Variants in CFAP45 observed in about 807,000 individuals in gnomAD.
CFAP45 encodes the protein cilia and flagella associated protein 45, also known as cilia- and flagella-associated protein 45.
In CFAP45, 43 loss-of-function variants were observed where a neutral mutation model predicts 75.6. The observed-to-expected ratio is 0.57, with a 90% CI of 0.45 to 0.73. The LOEUF is 0.73. CFAP45 is among the 30% of genes least tolerant of loss of function. The pLI, the probability that CFAP45 is intolerant of heterozygous loss-of-function variation, is 0.00. For synonymous variants in CFAP45, 223 were observed against 244.6 expected (o/e 0.91, Z 0.82); for missense variants, 689 against 701.5 (o/e 0.98, Z 0.20).
At chr1:159,886,748 A>G in intron 5 of CFAP45, 59 bp from the exon 6 acceptor site, 1 of 1,415,986 alleles carries the variant, frequency 7.1e-7, no homozygotes, top group Non-Finnish European at 1.0e-6. Flanking sequence ...TTTAAGGGGA[A>G]GAAATGGAAA....
chr1:159,885,700 T>A (rs1261678841), intron 6 of CFAP45, among the ~76,000 whole-genome samples: 2 of 152,120 alleles, frequency 1.3e-5, no homozygotes, highest in African/African-American at 4.8e-5. Flanking sequence ...CTGTCCGCAA[T>A]GAGCGTAGCA....
chr1:159,887,702 C>T, intron 5 of CFAP45, 139 bp downstream of exon 5: 1 of 850,328 alleles, frequency 1.2e-6, no homozygotes. Flanking sequence ...ACTGCAACTA[C>T]CACAGCAGGT....
At chr1:159,876,419 T>G in intron 10 of CFAP45, 137 bp downstream of exon 10, 1 of 655,346 alleles carries the variant, frequency 1.5e-6, no homozygotes, top group South Asian at 1.9e-5. Context: ...ATCATCCATC[T>G]AGTTATAATG....
At chr1:159,880,455 C>T (rs975450836) in intron 8 of CFAP45, 99 bp downstream of exon 8, 22 of 1,061,750 alleles carry the variant, frequency 2.1e-5, no homozygotes, top group Non-Finnish European at 2.8e-5. Context: ...AATGAAGGTG[C>T]GGCTGCCTTC....
chr1:159,898,845 G>A lies in CFAP45; in HGVS notation c.3+1251C>T, dbSNP rs79497217. Among the ~76,000 whole-genome samples, 343 of 152,190 alleles carry A rather than the reference G, an allele frequency of 2.3e-3. 4 individuals are homozygous for A. In the East Asian group the frequency reaches 0.034, roughly 15 times the overall value. Reference sequence around the variant, plus strand: ...ATAGAATACATAAGTGAAAGGGGACGCTCCCCCACCCCAATTACAACACTG... The same window carrying A: ...ATAGAATACATAAGTGAAAGGGGACACTCCCCCACCCCAATTACAACACTG... On this transcript the variant is annotated intron_variant, in intron 1 of 11. Transcript: ENST00000368099.
intron 7 of CFAP45, 36 bp downstream of exon 7, chr1:159,884,400 C>T (rs1649625686): frequency 6.4e-7 from 1 of 1,573,378 alleles, no homozygotes; most frequent in Non-Finnish European, 8.6e-7. Context: ...GATGCTGCAG[C>T]TGGTGAAACG....
chr1:159,873,338 TG>T, intron 10 of CFAP45, 170 bp from the exon 11 acceptor site: 2 of 614,740 alleles, frequency 3.3e-6, no homozygotes, highest in Non-Finnish European at 5.7e-6. Context: ...CAAAAGCTGC[TG>T]CACATGCATG....
At chr1:159,875,321 A>C (rs1177447519) in intron 10 of CFAP45, among the ~76,000 whole-genome samples, 1 of 152,248 alleles carries the variant, frequency 6.6e-6, no homozygotes, top group Non-Finnish European at 1.5e-5. Context: ...GCCCAAGGGC[A>C]GAATCTTGGG....
chr1:159,878,754 A>T (rs901084983), intron 8 of CFAP45, among the ~76,000 whole-genome samples: 2 of 61,580 alleles, frequency 3.2e-5, no homozygotes, highest in East Asian at 3.1e-4. Context: ...GACTACATCT[A>T]AAAAAAAAAA....
chr1:159,880,477 C>A (rs1557912272), intron 8 of CFAP45, 77 bp downstream of exon 8: 6 of 1,377,792 alleles, frequency 4.4e-6, no homozygotes, highest in Non-Finnish European at 5.0e-6. Context: ...ACTGGAGTTC[C>A]CTTAGTTCTC....
chr1:159,891,725 G>A (rs748020538), intron 2 of CFAP45, among the ~76,000 whole-genome samples: 8 of 152,152 alleles, frequency 5.3e-5, no homozygotes, highest in Non-Finnish European at 1.2e-4. Flanking sequence ...GCCACCTGGT[G>A]CCCATCTCTG....
chr1:159,898,923 A>G (rs1650009701), intron 1 of CFAP45, among the ~76,000 whole-genome samples: 2 of 152,176 alleles, frequency 1.3e-5, no homozygotes, highest in African/African-American at 4.8e-5. Flanking sequence ...TTATTTAATA[A>G]TTAACAAAAT....
At chr1:159,893,138 C>T in intron 2 of CFAP45, 42 bp downstream of exon 2, 1 of 1,609,440 alleles carries the variant, frequency 6.2e-7, no homozygotes, top group Non-Finnish European at 8.5e-7. Context: ...TGGGCCTCTG[C>T]CTGCAGGTGG....
chr1:159,891,368 C>T (rs1283578174), intron 2 of CFAP45, among the ~76,000 whole-genome samples: 7 of 152,116 alleles, frequency 4.6e-5, no homozygotes, highest in Non-Finnish European at 1.0e-4. Context: ...CTTTAACCCC[C>T]ACAAAAAGCC....
intron 7 of CFAP45, among the ~76,000 whole-genome samples, chr1:159,883,005 T>C (rs1649585089): frequency 6.6e-6 from 1 of 152,158 alleles, no homozygotes; most frequent in African/African-American, 2.4e-5. Flanking sequence ...CTCTAGCAGC[T>C]CCTCACACTG....
Position 159,893,228 on chromosome 1 carries a change from G to A in CFAP45, c.81C>T (p.Thr27=), listed in dbSNP as rs763265822. 6.2e-7 allele frequency: 1 copy of A among 1,613,952 alleles called. No homozygotes were observed. Among genetic ancestry groups the A allele is most frequent in the African/African-American group, 1.3e-5 (1 of 74,926 alleles). Residue 27 remains threonine (T), a synonymous_variant, in exon 2 of 12, where the codon ACC becomes ACT. Transcript: ENST00000368099. ...NRSRNKARYR[T]KAVSSEVDES... is the part of the protein sequence containing the mutation. ...CATCCACCTCAGAGCTCACGGCTTT[G>A]GTCCGATAGCGAGCCTTATTCCTTG...
intron 5 of CFAP45, among the ~76,000 whole-genome samples, chr1:159,887,255 G>A (rs1649711808): frequency 6.6e-6 from 1 of 152,200 alleles, no homozygotes; most frequent in Non-Finnish European, 1.5e-5. Flanking sequence ...ATTAAAGGAG[G>A]CATACATAGA....
chr1:159,891,407 G>C (rs937657193), intron 2 of CFAP45, among the ~76,000 whole-genome samples: 1 of 152,146 alleles, frequency 6.6e-6, no homozygotes, highest in African/African-American at 2.4e-5. Flanking sequence ...ATCGCTAAAT[G>C]ACCTGCAGAG....
intron 10 of CFAP45, among the ~76,000 whole-genome samples, chr1:159,875,996 C>T (rs1649391126): frequency 6.6e-6 from 1 of 152,252 alleles, no homozygotes; most frequent in Admixed American, 6.5e-5. Context: ...TCCATCCAAA[C>T]ACAAATCTCT....
Sources: allele counts gnomAD v4.1 joint callset (sites outside exome capture counted in the v4.1 genomes callset), GRCh38; gene constraint gnomAD v4.1.1; transcripts MANE v1.5; gene names NCBI Gene and HGNC (gene_info 2026-07-23, HGNC 2026-07-21).